The following BAIAP2L1 variants were observed in gnomAD, a reference collection of about 807,000 sequenced individuals.
BAIAP2L1 encodes BAR/IMD domain-containing adapter protein 2-like 1.
BAIAP2L1 carries 35 observed loss-of-function variants against 66.3 expected under a neutral mutation model. The ratio of observed to expected loss-of-function variants is 0.53; its 90% CI spans 0.40 to 0.70. The LOEUF (loss-of-function observed/expected upper bound fraction) is 0.70, where lower values mean the gene tolerates loss of function less well. Among genes scored for constraint, BAIAP2L1 ranks in the 30% least tolerant of loss-of-function variants. The pLI, the probability that BAIAP2L1 is intolerant of heterozygous loss-of-function variation, is 0.00. For missense variants in BAIAP2L1, 622 were observed against 656.9 expected (o/e 0.95, Z 0.58); for synonymous variants, 269 against 248.7 (o/e 1.08, Z -0.77).
chr7:98,369,319 C>A (rs1021482074), intron 1 of BAIAP2L1, among the ~76,000 whole-genome samples: 3 of 152,036 alleles, frequency 2.0e-5, no homozygotes, highest in African/African-American at 7.2e-5. Flanking sequence ...CCCATCTCTA[C>A]CAAAAATACA....
chr7:98,305,688 G>T (rs1479605333), intron 11 of BAIAP2L1, among the ~76,000 whole-genome samples: 1 of 152,168 alleles, frequency 6.6e-6, no homozygotes, highest in Non-Finnish European at 1.5e-5. Context: ...CTCCCAAAGT[G>T]CTGGGATTAC....
chr7:98,314,136 C>T (rs1800986985), intron 7 of BAIAP2L1, among the ~76,000 whole-genome samples: 1 of 151,778 alleles, frequency 6.6e-6, no homozygotes, highest in South Asian at 2.1e-4. Flanking sequence ...CAGGTGCTCA[C>T]CACATGTGAT....
chr7:98,300,496 T>C (rs542740447), intron 12 of BAIAP2L1, among the ~76,000 whole-genome samples: 2 of 152,320 alleles, frequency 1.3e-5, no homozygotes, highest in East Asian at 3.9e-4. Context: ...GACCGCGCCA[T>C]GTCTTATCAG....
intron 3 of BAIAP2L1, among the ~76,000 whole-genome samples, chr7:98,353,470 T>TATACATAC (rs1554336901): frequency 2.2e-5 from 3 of 136,428 alleles, no homozygotes; most frequent in African/African-American, 8.2e-5. Context: ...ATATTATAAA[T>TATACATAC]ATACATATTT....
In BAIAP2L1 at chr7:98,401,047, C is replaced by G; in HGVS notation, c.-195G>C. The stretch of plus-strand genomic sequence containing the variant: ...AAAACTTGCGGCAGCGCCGCCCTGG[C>G]CTTCTTCGAGGAGCAGAGGAGAAGC... On this transcript the variant is annotated 5_prime_UTR_variant, in exon 1 of 14. Coordinates refer to ENST00000005260, the MANE Select transcript of BAIAP2L1 (RefSeq NM_018842.5). The G allele has an allele frequency of 2.3e-6, 1 of 436,596 alleles. No individual in the cohort carries two copies. The highest frequency in any genetic ancestry group is 3.8e-6 in the Non-Finnish European group (1 of 261,312). The allele number at this position is 436,596 out of a possible 1,614,324, so 27.0% of individuals were successfully genotyped here.
At chr7:98,297,113 T>G (rs963230554) in intron 12 of BAIAP2L1, among the ~76,000 whole-genome samples, 1 of 152,134 alleles carries the variant, frequency 6.6e-6, no homozygotes, top group African/African-American at 2.4e-5. Flanking sequence ...ACGAGAGTGG[T>G]TGGGCTGCAA....
At chr7:98,353,964 TAAA>T (rs1802063458) in intron 3 of BAIAP2L1, among the ~76,000 whole-genome samples, 1 of 1,452 alleles carries the variant, frequency 6.9e-4, no homozygotes, top group African/African-American at 8.2e-4. Context: ...TCTGTCTCAA[TAAA>T]ATAAAATAAA....
chr7:98,355,295 G>A, intron 2 of BAIAP2L1, 167 bp from the exon 3 acceptor site: 1 of 619,644 alleles, frequency 1.6e-6, no homozygotes, highest in Admixed American at 2.4e-5. Flanking sequence ...TGGTGCCGGG[G>A]TGGAGGCCCT....
intron 1 of BAIAP2L1, among the ~76,000 whole-genome samples, chr7:98,368,965 G>C (rs990798094): frequency 6.6e-6 from 1 of 151,252 alleles, no homozygotes; most frequent in African/African-American, 2.4e-5. Flanking sequence ...TTACGTTTTC[G>C]TATCTCTAGG....
At chr7:98,326,081 G>A (rs1255315410) in intron 3 of BAIAP2L1, among the ~76,000 whole-genome samples, 1 of 152,176 alleles carries the variant, frequency 6.6e-6, no homozygotes, top group Non-Finnish European at 1.5e-5. Context: ...TTGAGCCCAG[G>A]GGATGGGCCA....
At chr7:98,364,248 G>A (rs1802340427) in intron 1 of BAIAP2L1, among the ~76,000 whole-genome samples, 1 of 152,128 alleles carries the variant, frequency 6.6e-6, no homozygotes, top group Non-Finnish European at 1.5e-5. Context: ...TTCCTGGGAT[G>A]GACAATTGTT....
At chr7:98,313,792 C>CTCT (rs1179300343) in intron 7 of BAIAP2L1, among the ~76,000 whole-genome samples, 3,378 of 132,934 alleles carry the variant, frequency 0.025, 133 homozygotes, top group African/African-American at 0.088. Flanking sequence ...CTAATTAAAA[C>CTCT]TTTTTTTTTT....
chr7:98,306,359 C>G (rs13232181), intron 11 of BAIAP2L1, 80 bp downstream of exon 11: 690,677 of 1,534,790 alleles, frequency 0.45, 163,495 homozygotes, highest in Middle Eastern at 0.54. Flanking sequence ...GCCTGCGACA[C>G]AGCTAGATGG....
chr7:98,397,681 G>C (rs932677242), intron 1 of BAIAP2L1, among the ~76,000 whole-genome samples: 11 of 152,130 alleles, frequency 7.2e-5, no homozygotes, highest in Admixed American at 3.3e-4. Context: ...CTTAATTAAG[G>C]GTTTTTTTGA....
chr7:98,357,982 T>C (rs1802179372), intron 2 of BAIAP2L1, among the ~76,000 whole-genome samples: 1 of 152,200 alleles, frequency 6.6e-6, no homozygotes, highest in Non-Finnish European at 1.5e-5. Context: ...ACAAGGTGTG[T>C]AGCCAGGAAA....
intron 1 of BAIAP2L1, among the ~76,000 whole-genome samples, chr7:98,384,761 C>T (rs1196257834): frequency 1.4e-5 from 2 of 144,666 alleles, no homozygotes; most frequent in Non-Finnish European, 3.0e-5. Context: ...GTAGGTGGCA[C>T]GATCTCGGCT....
At chr7:98,344,059 T>C (rs1801814697) in intron 3 of BAIAP2L1, among the ~76,000 whole-genome samples, 1 of 152,132 alleles carries the variant, frequency 6.6e-6, no homozygotes, top group Non-Finnish European at 1.5e-5. Context: ...GTACCTGTAG[T>C]CCCAGCTATA....
At chr7:98,384,887 T>C (rs1156602419) in intron 1 of BAIAP2L1, among the ~76,000 whole-genome samples, 2 of 152,042 alleles carry the variant, frequency 1.3e-5, no homozygotes, top group African/African-American at 4.8e-5. Flanking sequence ...TTAGTAAAGA[T>C]GGGATTTTGC....
At chr7:98,342,760 G>A (rs1040163884) in intron 3 of BAIAP2L1, among the ~76,000 whole-genome samples, 1 of 152,060 alleles carries the variant, frequency 6.6e-6, no homozygotes, top group Non-Finnish European at 1.5e-5. Context: ...TGACTCAAAG[G>A]TTCTTCTAAA....
Sources: allele counts gnomAD v4.1 joint callset (sites outside exome capture counted in the v4.1 genomes callset), GRCh38; gene constraint gnomAD v4.1.1; transcripts MANE v1.5; gene names NCBI Gene and HGNC (gene_info 2026-07-23, HGNC 2026-07-21).